NAV2: variants seen among roughly 807,000 people sequenced by gnomAD.
NAV2 encodes the protein helicase, APC down-regulated 1.
A neutral mutation model predicts 223.2 loss-of-function variants in NAV2; 54 were observed. That is an observed-to-expected ratio of 0.24 (90% CI 0.19 to 0.30). The LOEUF (loss-of-function observed/expected upper bound fraction) is 0.30. Among genes scored for constraint, NAV2 ranks in the 10% least tolerant of loss-of-function variants. NAV2 has a pLI of 1.00. For missense variants in NAV2, 2,806 were observed against 3,147.5 expected, an observed-to-expected ratio of 0.89 and a Z score of 2.60; for synonymous variants, 1,279 against 1,239.3, an observed-to-expected ratio of 1.03 and a Z score of -0.67.
intron 32 of NAV2, among the ~76,000 whole-genome samples, chr11:20,102,891 A>T (rs546553685): frequency 6.6e-6 from 1 of 152,164 alleles, no homozygotes; most frequent in Non-Finnish European, 1.5e-5. Context: ...ACTCAGCATG[A>T]CTTAAGTGTG....
In NAV2 at chr11:19,608,164, A is replaced by AGG. The variant is rs200763789; in HGVS notation, c.76-224319_76-224318insGG. Among the ~76,000 whole-genome samples the AGG allele has an allele frequency of 4.3e-3, 657 of 152,350 alleles. 16 individuals are homozygous for AGG. The highest frequency in any genetic ancestry group is 0.036 in the Admixed American group (551 of 15,304). ...GCTCTGCATTCCAGCAGAGCAAATG[A>AGG]GAGGCTTGGGGACTGTTCAGAGCTC... is the stretch of plus-strand genomic sequence containing the variant. On this transcript the variant is annotated intron_variant, in intron 1 of 37. Coordinates refer to the NAV2 transcript ENST00000360655.
chr11:19,745,341 A>G (rs2053239900), intron 1 of NAV2, among the ~76,000 whole-genome samples: 1 of 152,160 alleles, frequency 6.6e-6, no homozygotes, highest in African/African-American at 2.4e-5. Flanking sequence ...AATTGTATCC[A>G]TTTCATCCTT....
intron 10 of NAV2, among the ~76,000 whole-genome samples, chr11:19,971,050 A>G (rs1016244930): frequency 9.9e-5 from 15 of 152,176 alleles, no homozygotes; most frequent in African/African-American, 3.4e-4. Flanking sequence ...TTAATATGCT[A>G]GATGAGGCAG....
rs569700485 is a variant in NAV2 at position 19,743,280 on chromosome 11, G to T, written c.267+29318G>T. Among the ~76,000 whole-genome samples the T allele has an allele frequency of 3.3e-5, 5 of 152,346 alleles. No individual in the cohort carries two copies. In the East Asian group the frequency reaches 9.7e-4, roughly 29 times the overall value. The stretch of plus-strand genomic sequence containing the variant: ...GTTATAGCTGTTGCAGCTCCAAAGT[G>T]AGGCCAGTACTTCTGAACTTGGGAG... On this transcript the variant is annotated intron_variant, in intron 1 of 37. Transcript: ENST00000349880.
At chr11:19,770,378 G>A (rs2055614734) in intron 1 of NAV2, among the ~76,000 whole-genome samples, 1 of 152,032 alleles carries the variant, frequency 6.6e-6, no homozygotes, top group Admixed American at 6.5e-5. Flanking sequence ...GACCCTAGAG[G>A]TGCAGCTCCT....
intron 1 of NAV2, among the ~76,000 whole-genome samples, chr11:19,677,000 C>T (rs935591451): frequency 3.3e-5 from 5 of 152,156 alleles, no homozygotes; most frequent in African/African-American, 1.2e-4. Flanking sequence ...GTTAACCACA[C>T]CAAGAGTGAA....
At chr11:20,044,596 C>T (rs1436879029) in intron 13 of NAV2, among the ~76,000 whole-genome samples, 1 of 152,010 alleles carries the variant, frequency 6.6e-6, no homozygotes, top group Non-Finnish European at 1.5e-5. Flanking sequence ...TGATGTTGTC[C>T]CTGACTTAGG....
intron 12 of NAV2, among the ~76,000 whole-genome samples, chr11:20,042,580 G>A (rs1450494044): frequency 6.6e-6 from 1 of 152,126 alleles, no homozygotes; most frequent in Non-Finnish European, 1.5e-5. Context: ...GGGTTGGGGT[G>A]GTGTTGGGGA....
intron 1 of NAV2, among the ~76,000 whole-genome samples, chr11:19,704,751 G>A (rs1015444115): frequency 2.6e-5 from 4 of 152,108 alleles, no homozygotes; most frequent in Admixed American, 6.5e-5. Flanking sequence ...GGTGGCTCAC[G>A]CCTGTAATCC....
chr11:19,474,543 T>C (rs571468953), intron 1 of NAV2, among the ~76,000 whole-genome samples: 6 of 152,314 alleles, frequency 3.9e-5, no homozygotes, highest in Non-Finnish European at 8.8e-5. Context: ...AGCAGCTGCC[T>C]TTGGAGAGGA....
At position 19,948,738 on chromosome 11, in the gene NAV2, G is replaced by T; in HGVS notation, c.2303G>T (p.Gly768Val). 2 of 1,604,782 alleles carry T rather than the reference G, an allele frequency of 1.2e-6. No individual in the cohort carries two copies. Among genetic ancestry groups the T allele is most frequent in the Non-Finnish European group, 1.7e-6 (2 of 1,172,888 alleles). The change falls in exon 10 of 38, where the codon GGC becomes GTC. Residue 768 changes from glycine to valine, a missense_variant. Physicochemically the swap from Gly to Val is moderately radical, Grantham distance 109. Around this residue, in one of 4 missense-constraint regions of NAV2, gnomAD observed 1,167 missense variants for 1,180.5 expected, o/e 0.99. Coordinates refer to ENST00000349880, the MANE Select transcript of NAV2 (RefSeq NM_145117.5). ...ACCAATGTCACCACGGAGATGAGTG[G>T]CCGTAGCATACTCAGCTTGACAGGG... is the stretch of plus-strand genomic sequence containing the variant. ...FDTNVTTEMS[G>V]RSILSLTGRP...
intron 1 of NAV2, among the ~76,000 whole-genome samples, chr11:19,766,681 C>T (rs1185582853): frequency 6.6e-6 from 1 of 152,128 alleles, no homozygotes; most frequent in East Asian, 1.9e-4. Flanking sequence ...AGCATGGTGC[C>T]TCTCAGCTCC....
intron 1 of NAV2, among the ~76,000 whole-genome samples, chr11:19,598,890 G>T (rs2046282909): frequency 6.6e-6 from 1 of 152,192 alleles, no homozygotes; most frequent in Non-Finnish European, 1.5e-5. Context: ...GCCTGTGTGT[G>T]TGTGTGTGCA....
At chr11:19,862,097 T>C (rs2061826591) in intron 3 of NAV2, among the ~76,000 whole-genome samples, 1 of 152,370 alleles carries the variant, frequency 6.6e-6, no homozygotes, top group Admixed American at 6.5e-5. Context: ...AAAAAGATAG[T>C]CACTGGAGGA....
intron 6 of NAV2, among the ~76,000 whole-genome samples, chr11:19,915,398 A>G (rs1207201057): frequency 6.6e-6 from 1 of 152,134 alleles, no homozygotes; most frequent in African/African-American, 2.4e-5. Flanking sequence ...TAATTATTTG[A>G]AGACTCTTCA....
intron 11 of NAV2, among the ~76,000 whole-genome samples, chr11:20,034,030 G>A (rs1049647059): frequency 3.3e-4 from 50 of 152,174 alleles, no homozygotes; most frequent in South Asian, 2.1e-4. Flanking sequence ...CAAGCCTGGC[G>A]TCCTCCTGAG....
chr11:19,869,396 T>G (rs1565463545), intron 4 of NAV2, among the ~76,000 whole-genome samples: 2 of 152,226 alleles, frequency 1.3e-5, no homozygotes, highest in Admixed American at 6.5e-5. Flanking sequence ...TGCTTAATCC[T>G]TATCTCTTTT....
At chr11:19,460,363 C>T (rs1852111089) in intron 1 of NAV2, among the ~76,000 whole-genome samples, 2 of 152,142 alleles carry the variant, frequency 1.3e-5, no homozygotes, top group East Asian at 1.9e-4. Flanking sequence ...CTCCCTGAGC[C>T]TCTTTTCACA....
At chr11:19,882,896 T>C (rs766988427) in intron 5 of NAV2, among the ~76,000 whole-genome samples, 3 of 152,236 alleles carry the variant, frequency 2.0e-5, no homozygotes, top group Admixed American at 1.3e-4. Flanking sequence ...TTATTCACTA[T>C]ATCCTGATAC....
Sources: allele counts gnomAD v4.1 joint callset (sites outside exome capture counted in the v4.1 genomes callset), GRCh38; gene constraint gnomAD v4.1.1; regional missense constraint gnomAD v4.1.1; transcripts MANE v1.5; gene names NCBI Gene and HGNC (gene_info 2026-07-23, HGNC 2026-07-21).